ASPH: variants seen among roughly 807,000 people sequenced by gnomAD.
ASPH encodes aspartyl/asparaginyl beta-hydroxylase.
Under a neutral mutation model 118.4 loss-of-function variants are expected in ASPH, and 100 were observed. The observed-to-expected ratio is 0.84, with a 90% confidence interval of 0.72 to 1.00. ASPH has a LOEUF of 1.00. Among genes scored for constraint, ASPH ranks in the 50% least tolerant of loss-of-function variants. The pLI, the probability that ASPH is intolerant of heterozygous loss-of-function variation, is 0.00. For synonymous variants in ASPH, 315 were observed against 325.6 expected (o/e 0.97, Z 0.35); for missense variants, 920 against 919.5 (o/e 1.00, Z -0.01).
chr8:61,611,105 C>T (rs746530400), intron 14 of ASPH, among the ~76,000 whole-genome samples: 1 of 152,206 alleles, frequency 6.6e-6, no homozygotes, highest in Non-Finnish European at 1.5e-5. Context: ...TTAGTTGCCA[C>T]CTTCATGGGT....
intron 19 of ASPH, among the ~76,000 whole-genome samples, chr8:61,553,920 T>C (rs181789094): frequency 6.6e-5 from 10 of 152,294 alleles, no homozygotes; most frequent in East Asian, 5.8e-4. Context: ...TAGGAAGAAA[T>C]TGTATTTACA....
intron 1 of ASPH, among the ~76,000 whole-genome samples, chr8:61,690,287 CAT>C (rs1333454083): frequency 2.6e-5 from 4 of 152,142 alleles, no homozygotes; most frequent in Non-Finnish European, 4.4e-5. Context: ...TCACAGACAC[CAT>C]CCCAGGAATA....
chr8:61,633,523 T>C, intron 13 of ASPH, 160 bp downstream of exon 13: 2 of 543,146 alleles, frequency 3.7e-6, no homozygotes, highest in Non-Finnish European at 6.4e-6. Context: ...TTTCCATTAC[T>C]TTGGTTGAAC....
chr8:61,643,290 T>C (rs1471813193), intron 9 of ASPH, 96 bp downstream of exon 9: 1 of 1,234,500 alleles, frequency 8.1e-7, no homozygotes, highest in East Asian at 2.4e-5. Context: ...ATTACTTCTT[T>C]GATGCCTTTA....
chr8:61,673,822 A>T lies in ASPH; in HGVS notation c.322+7146T>A, dbSNP rs77120773. On this transcript the variant is annotated intron_variant, in intron 3 of 24. Transcript: ENST00000379454. ...AAAATACCTTTATTTTATCTCTCTC[A>T]CACACACACACACACAAGCCTTAGG... 8.1e-3 allele frequency among the ~76,000 whole-genome samples: 1,230 copies of T among 150,930 alleles called. 59 individuals carry two copies. In the East Asian group the frequency reaches 0.14, roughly 17 times the overall value.
At chr8:61,525,547 C>A (rs1814994959) in intron 22 of ASPH, among the ~76,000 whole-genome samples, 1 of 152,128 alleles carries the variant, frequency 6.6e-6, no homozygotes, top group African/African-American at 2.4e-5. Flanking sequence ...TTACCATCAT[C>A]CGTGTTGATA....
At chr8:61,625,671 C>T in intron 13 of ASPH, 1 of 984,264 alleles carries the variant, frequency 1.0e-6, no homozygotes, top group African/African-American at 1.7e-5. Context: ...CAGCTAAAAG[C>T]TACAAAAATT....
intron 15 of ASPH, chr8:61,578,779 C>T (rs180960079): frequency 5.7e-6 from 9 of 1,590,116 alleles, no homozygotes; most frequent in Non-Finnish European, 7.8e-6. Context: ...AATAAGCATA[C>T]AGAGATGGAG....
intron 24 of ASPH, among the ~76,000 whole-genome samples, chr8:61,512,614 C>A (rs2129615371): frequency 6.6e-6 from 1 of 152,296 alleles, no homozygotes; most frequent in East Asian, 1.9e-4. Flanking sequence ...TTTGTTGTGG[C>A]AGCCTTAGGA....
At chr8:61,599,022 A>G (rs1189390923) in intron 14 of ASPH, among the ~76,000 whole-genome samples, 1 of 152,228 alleles carries the variant, frequency 6.6e-6, no homozygotes, top group Admixed American at 6.5e-5. Flanking sequence ...TAAGCACTAA[A>G]CACCTACAAC....
At chr8:61,604,204 G>C (rs926383755) in intron 14 of ASPH, among the ~76,000 whole-genome samples, 1 of 152,132 alleles carries the variant, frequency 6.6e-6, no homozygotes, top group African/African-American at 2.4e-5. Flanking sequence ...TTCTCTTGTG[G>C]TAGGTACATA....
intron 1 of ASPH, among the ~76,000 whole-genome samples, chr8:61,691,654 TTTC>T (rs1356494461): frequency 6.6e-6 from 1 of 152,204 alleles, no homozygotes; most frequent in African/African-American, 2.4e-5. Flanking sequence ...CTTGGTATGC[TTTC>T]ATACTTAGAC....
At chr8:61,590,192 G>T (rs980189159) in intron 14 of ASPH, among the ~76,000 whole-genome samples, 2 of 151,954 alleles carry the variant, frequency 1.3e-5, no homozygotes, top group Admixed American at 6.6e-5. Context: ...TGTAGATATT[G>T]CTCAGGGATC....
At chr8:61,577,399 C>CAAA (rs775523503) in intron 15 of ASPH, among the ~76,000 whole-genome samples, 4,632 of 23,184 alleles carry the variant, frequency 0.2, 1,140 homozygotes, top group South Asian at 0.26. Context: ...CCCAATCTCG[C>CAAA]AAAAAAAAAA....
intron 3 of ASPH, chr8:61,662,064 A>G: frequency 2.9e-6 from 1 of 350,146 alleles, no homozygotes; most frequent in East Asian, 3.9e-5. Context: ...ACAACAAATG[A>G]CCAAAAATTT....
intron 15 of ASPH, among the ~76,000 whole-genome samples, chr8:61,581,017 G>A (rs558678566): frequency 6.6e-6 from 1 of 152,286 alleles, no homozygotes; most frequent in African/African-American, 2.4e-5. Flanking sequence ...ACTAATATCA[G>A]ACTTAAAACA....
intron 4 of ASPH, among the ~76,000 whole-genome samples, chr8:61,652,635 T>C (rs1811608447): frequency 6.6e-6 from 1 of 152,016 alleles, no homozygotes; most frequent in Non-Finnish European, 1.5e-5. Context: ...AAAAGAAATG[T>C]GGGGGTCAAG....
intron 15 of ASPH, among the ~76,000 whole-genome samples, chr8:61,581,540 T>C (rs1158630284): frequency 1.3e-5 from 2 of 152,198 alleles, no homozygotes; most frequent in African/African-American, 4.8e-5. Flanking sequence ...AAGTTTTGCA[T>C]CCATCAGTAT....
intron 15 of ASPH, chr8:61,579,500 T>C (rs1178444036): frequency 2.5e-6 from 4 of 1,584,278 alleles, no homozygotes; most frequent in African/African-American, 1.3e-5. Flanking sequence ...GCTCGGCCTA[T>C]GGGGGCCTCA....
Sources: allele counts gnomAD v4.1 joint callset (sites outside exome capture counted in the v4.1 genomes callset), GRCh38; gene constraint gnomAD v4.1.1; transcripts MANE v1.5; gene names NCBI Gene and HGNC (gene_info 2026-07-23, HGNC 2026-07-21).